The following RARB variants were observed in gnomAD, a reference collection of about 807,000 sequenced individuals.
RARB encodes the protein HBV-activated protein.
A neutral mutation model predicts 51.9 loss-of-function variants in RARB; 17 were observed. The observed-to-expected ratio is 0.33, with a 90% CI of 0.22 to 0.49. The LOEUF (loss-of-function observed/expected upper bound fraction) is 0.49. Ranked by LOEUF, RARB falls within the 20% of genes least tolerant of loss-of-function variation. The probability of loss-of-function intolerance (pLI) is 0.99; values close to 1 mark genes in which losing one functional copy is unlikely to be tolerated. For missense variants in RARB, 369 were observed against 550.8 expected, an observed-to-expected ratio of 0.67 and a Z score of 3.30; for synonymous variants, 215 against 195.4, an observed-to-expected ratio of 1.10 and a Z score of -0.84.
At chr3:24,888,097 T>TA (rs1243530410) in intron 2 of RARB, among the ~76,000 whole-genome samples, 2 of 152,116 alleles carry the variant, frequency 1.3e-5, no homozygotes, top group African/African-American at 2.4e-5. Flanking sequence ...TTTTGAGGGA[T>TA]AAAAAAACCT....
At chr3:25,374,706 G>A (rs1323507602) in intron 5 of RARB, among the ~76,000 whole-genome samples, 5 of 152,102 alleles carry the variant, frequency 3.3e-5, no homozygotes, top group Admixed American at 1.3e-4. Context: ...GTAGATCATA[G>A]ATCTAGAAGG....
chr3:25,152,273 T>C (rs1339316311), intron 4 of RARB, among the ~76,000 whole-genome samples: 1 of 152,228 alleles, frequency 6.6e-6, no homozygotes, highest in Non-Finnish European at 1.5e-5. Flanking sequence ...CACTTGTCTT[T>C]TTATTTTAGG....
intron 2 of RARB, among the ~76,000 whole-genome samples, chr3:24,907,721 A>G (rs1694896145): frequency 6.6e-6 from 1 of 152,078 alleles, no homozygotes; most frequent in African/African-American, 2.4e-5. Context: ...AGGTACATAA[A>G]TCTTACTTGA....
intron 2 of RARB, among the ~76,000 whole-genome samples, chr3:25,468,000 G>T (rs147365266): frequency 1.4e-3 from 220 of 152,246 alleles, no homozygotes; most frequent in African/African-American, 5.2e-3. Context: ...GGTCAAGGGG[G>T]CCTGATGTGA....
At chr3:25,566,305 A>G (rs1338509789) in intron 3 of RARB, among the ~76,000 whole-genome samples, 1 of 152,158 alleles carries the variant, frequency 6.6e-6, no homozygotes, top group African/African-American at 2.4e-5. Flanking sequence ...TTGTCCCTGC[A>G]TTTTGTGGGT....
intron 2 of RARB, among the ~76,000 whole-genome samples, chr3:24,870,093 A>C (rs1002129132): frequency 1.3e-5 from 2 of 152,062 alleles, no homozygotes; most frequent in Non-Finnish European, 2.9e-5. Flanking sequence ...TTCTTTGTAT[A>C]TCCTGGAGAC....
chr3:25,081,609 ATATATATATATATTTTTTTTTTTTT>A (rs1447754737), intron 3 of RARB, among the ~76,000 whole-genome samples: 1 of 10,184 alleles, frequency 9.8e-5, no homozygotes, highest in East Asian at 2.8e-3. Context: ...ATATATATAT[ATATATATATATATTTTTTTTTTTTT>A]TTTTTTTTTT....
intron 3 of RARB, among the ~76,000 whole-genome samples, chr3:25,558,098 C>A (rs1215141405): frequency 6.6e-6 from 1 of 152,180 alleles, no homozygotes; most frequent in African/African-American, 2.4e-5. Context: ...TTCAAACAGC[C>A]TTTTTGTGTT....
chr3:25,394,526 C>T (rs940603572), intron 5 of RARB, among the ~76,000 whole-genome samples: 1 of 151,884 alleles, frequency 6.6e-6, no homozygotes, highest in Admixed American at 6.6e-5. Flanking sequence ...TATTGTGTTG[C>T]CATCTATCTC....
chr3:25,495,135 C>T (rs1696959457), intron 2 of RARB, among the ~76,000 whole-genome samples: 1 of 152,088 alleles, frequency 6.6e-6, no homozygotes, highest in African/African-American at 2.4e-5. Context: ...GAAATCACCC[C>T]CTGTGGAAGA....
intron 4 of RARB, 63 bp downstream of exon 4, chr3:25,569,981 G>GACACACACACACAC (rs56255512): frequency 1.8e-5 from 19 of 1,069,422 alleles, no homozygotes; most frequent in African/African-American, 1.3e-4. Flanking sequence ...CATGTGTGCA[G>GACACACACACACAC]ACACACACAC....
chr3:24,943,436 A>T (rs1006886031), intron 2 of RARB, among the ~76,000 whole-genome samples: 1 of 152,150 alleles, frequency 6.6e-6, no homozygotes, highest in Non-Finnish European at 1.5e-5. Flanking sequence ...ACGGCATGCT[A>T]AAAAAGATTC....
intron 3 of RARB, among the ~76,000 whole-genome samples, chr3:25,563,238 T>TTCCATTTTGACC (rs1366143806): frequency 6.6e-5 from 10 of 152,172 alleles, no homozygotes; most frequent in Non-Finnish European, 1.0e-4. Context: ...CCTCTTAGGA[T>TTCCATTTTGACC]TCCATTTTGA....
At chr3:25,405,393 T>C (rs1450730161) in intron 5 of RARB, among the ~76,000 whole-genome samples, 1 of 152,138 alleles carries the variant, frequency 6.6e-6, no homozygotes, top group Non-Finnish European at 1.5e-5. Context: ...TAAAACAAAA[T>C]GACAGCCATG....
chr3:25,248,567 G>A (rs1702626586), intron 5 of RARB, among the ~76,000 whole-genome samples: 1 of 152,062 alleles, frequency 6.6e-6, no homozygotes, highest in African/African-American at 2.4e-5. Context: ...TTTCATGATG[G>A]TAGATAGTAT....
chr3:25,269,760 T>C (rs931080451), intron 5 of RARB, among the ~76,000 whole-genome samples: 2 of 152,222 alleles, frequency 1.3e-5, no homozygotes, highest in Non-Finnish European at 2.9e-5. Context: ...TAACAAAATG[T>C]GTATATTTAT....
At chr3:25,268,957 A>G (rs1006618775) in intron 5 of RARB, among the ~76,000 whole-genome samples, 2 of 152,180 alleles carry the variant, frequency 1.3e-5, no homozygotes, top group Non-Finnish European at 2.9e-5. Flanking sequence ...CAGAAACTCA[A>G]ATAGTATCTA....
At chr3:24,985,754 T>G (rs1477573395) in intron 2 of RARB, among the ~76,000 whole-genome samples, 1 of 152,202 alleles carries the variant, frequency 6.6e-6, no homozygotes, top group African/African-American at 2.4e-5. Context: ...CCCACTCTTT[T>G]GTACTTTGCA....
intron 5 of RARB, among the ~76,000 whole-genome samples, chr3:25,366,354 C>A (rs1473452): frequency 6.6e-6 from 1 of 151,984 alleles, no homozygotes; most frequent in East Asian, 1.9e-4. Flanking sequence ...CCTTCTACCC[C>A]TCAGGATTAC....
Sources: gnomAD v4.1 joint callset for allele counts (sites outside exome capture counted in the v4.1 genomes callset) on GRCh38, gnomAD v4.1.1 for gene constraint, MANE v1.5 for transcripts, NCBI Gene and HGNC (gene_info 2026-07-23, HGNC 2026-07-21) for gene names.